The following RBFOX1 variants were observed in gnomAD, a reference collection of about 807,000 sequenced individuals.
RBFOX1 encodes RNA binding fox-1 homolog 1, also known as RNA binding protein fox-1 homolog 1.
In RBFOX1, 8 loss-of-function variants were observed where a neutral mutation model predicts 57.7. That is an observed-to-expected ratio of 0.14 (90% CI 0.08 to 0.25). RBFOX1 has a LOEUF of 0.25. Ranked by LOEUF, RBFOX1 falls within the 10% of genes least tolerant of loss-of-function variation. The pLI is 1.00. For synonymous variants in RBFOX1, 326 were observed against 222.4 expected (o/e 1.47, Z -4.15); for missense variants, 611 against 548.5 (o/e 1.11, Z -1.14).
intron 3 of RBFOX1, among the ~76,000 whole-genome samples, chr16:6,911,669 G>A (rs928529468): frequency 6.6e-6 from 1 of 152,146 alleles, no homozygotes; most frequent in Admixed American, 6.5e-5. Flanking sequence ...TGGGAACAAA[G>A]TTCAATCCAT....
chr16:6,267,814 C>G (rs1394674273), intron 1 of RBFOX1, among the ~76,000 whole-genome samples: 1 of 152,112 alleles, frequency 6.6e-6, no homozygotes, highest in African/African-American at 2.4e-5. Flanking sequence ...TAGCTGAAAC[C>G]CACAGGTTGG....
At chr16:7,521,161 G>T (rs151147604) in intron 5 of RBFOX1, among the ~76,000 whole-genome samples, 3 of 152,308 alleles carry the variant, frequency 2.0e-5, no homozygotes, top group Non-Finnish European at 4.4e-5. Flanking sequence ...AGCAGCCCAG[G>T]CAGAGGGAAT....
intron 4 of RBFOX1, among the ~76,000 whole-genome samples, chr16:7,439,163 C>G (rs777325406): frequency 6.6e-6 from 1 of 152,128 alleles, no homozygotes; most frequent in Non-Finnish European, 1.5e-5. Flanking sequence ...TTTACGCAGG[C>G]CTTCGCGCTG....
intron 1 of RBFOX1, among the ~76,000 whole-genome samples, chr16:6,122,026 C>G (rs1290802564): frequency 6.6e-6 from 1 of 152,168 alleles, no homozygotes; most frequent in African/African-American, 2.4e-5. Flanking sequence ...CTGCCTCAGC[C>G]TCCTGCGTAG....
At position 7,019,977 on chromosome 16, in the gene RBFOX1, C is replaced by G. The variant is rs574221269; in HGVS notation, c.-15-32080C>G. Among the ~76,000 whole-genome samples, 123 of 148,686 alleles carry G rather than the reference C, an allele frequency of 8.3e-4. 1 individual carries two copies. In the Middle Eastern group the frequency reaches 0.01, roughly 12 times the overall value. ...ACTATATTCCCTTTCTTCTGGCTCT[C>G]TCTTTTTTTTTTTTTTCTCTGATGA... On this transcript the variant is annotated intron_variant, in intron 3 of 15. Transcript: ENST00000550418.
intron 2 of RBFOX1, among the ~76,000 whole-genome samples, chr16:6,588,581 G>C (rs1184143340): frequency 6.6e-6 from 1 of 152,088 alleles, no homozygotes; most frequent in Non-Finnish European, 1.5e-5. Flanking sequence ...GAATCTAGGA[G>C]GTGGAGGTTG....
intron 2 of RBFOX1, among the ~76,000 whole-genome samples, chr16:5,528,549 T>C (rs1441475999): frequency 7.9e-6 from 1 of 127,118 alleles, no homozygotes; most frequent in African/African-American, 3.0e-5. Flanking sequence ...GCTCTTCTTT[T>C]TTTTTTTTTT....
Position 6,940,810 on chromosome 16 carries a change from G to GTA in RBFOX1, c.-15-111246_-15-111245dup, listed in dbSNP as rs1555652932. 2.0e-4 allele frequency among the ~76,000 whole-genome samples: 27 copies of GTA among 133,874 alleles called. 1 individual carries two copies. The highest frequency in any genetic ancestry group is 4.1e-4 in the African/African-American group (14 of 34,142). 87.8% of individuals were successfully genotyped at this position (133,874 alleles called of 152,430 possible). A position where few individuals can be genotyped will look rare whatever the true frequency, so the allele number is the denominator to read the frequency against. On this transcript the variant is annotated intron_variant, in intron 3 of 15. Transcript: ENST00000550418. ...TGTGTGTGTGTGTGTGTGTGTGTGTGTAGCTGGGAGTACAGGCGCCTGCCA... is the reference window on the plus strand; with the variant it reads ...TGTGTGTGTGTGTGTGTGTGTGTGTGTATAGCTGGGAGTACAGGCGCCTGCCA...
intron 3 of RBFOX1, among the ~76,000 whole-genome samples, chr16:6,685,657 C>T (rs769629632): frequency 2.0e-5 from 3 of 151,884 alleles, no homozygotes; most frequent in Non-Finnish European, 4.4e-5. Context: ...AAAAGTCATC[C>T]ATACTTATTG....
intron 4 of RBFOX1, among the ~76,000 whole-genome samples, chr16:7,159,274 A>G (rs1409225800): frequency 6.8e-6 from 1 of 147,608 alleles, no homozygotes; most frequent in Non-Finnish European, 1.5e-5. Flanking sequence ...AGACACCCTG[A>G]GGCTGAGCAG....
chr16:7,467,727 C>G (rs1316654760), intron 4 of RBFOX1, among the ~76,000 whole-genome samples: 2 of 152,302 alleles, frequency 1.3e-5, no homozygotes, highest in East Asian at 1.9e-4. Context: ...CTGGGACACC[C>G]CTTATCTTCC....
chr16:7,689,287 C>A (rs961931931), intron 14 of RBFOX1, among the ~76,000 whole-genome samples: 1 of 152,072 alleles, frequency 6.6e-6, no homozygotes, highest in Admixed American at 6.6e-5. Flanking sequence ...TTCCTCTTCT[C>A]CACCCCCAAC....
At chr16:6,885,888 G>A (rs2063903329) in intron 3 of RBFOX1, among the ~76,000 whole-genome samples, 1 of 152,116 alleles carries the variant, frequency 6.6e-6, no homozygotes, top group Admixed American at 6.6e-5. Context: ...TTTACTCAAT[G>A]CAGCATTGGA....
intron 4 of RBFOX1, among the ~76,000 whole-genome samples, chr16:7,434,000 C>G (rs1339855983): frequency 6.6e-6 from 1 of 152,098 alleles, no homozygotes; most frequent in Non-Finnish European, 1.5e-5. Flanking sequence ...TGAGAGGGAA[C>G]AGTTAATACT....
At chr16:7,319,161 T>C (rs545379188) in intron 4 of RBFOX1, among the ~76,000 whole-genome samples, 1 of 152,316 alleles carries the variant, frequency 6.6e-6, no homozygotes, top group East Asian at 1.9e-4. Context: ...GCATTCATCT[T>C]TGAGGCCAGC....
At chr16:7,360,484 C>A (rs993046415) in intron 4 of RBFOX1, among the ~76,000 whole-genome samples, 1 of 152,126 alleles carries the variant, frequency 6.6e-6, no homozygotes, top group African/African-American at 2.4e-5. Flanking sequence ...TTGAAAAACT[C>A]ACATAACCCA....
intron 2 of RBFOX1, among the ~76,000 whole-genome samples, chr16:6,515,604 C>G (rs919675170): frequency 1.9e-4 from 29 of 152,126 alleles, no homozygotes; most frequent in African/African-American, 6.8e-4. Flanking sequence ...TTTTATGGAT[C>G]AAAATCCTTC....
intron 4 of RBFOX1, among the ~76,000 whole-genome samples, chr16:7,415,184 C>A (rs2098466412): frequency 6.6e-6 from 1 of 152,202 alleles, no homozygotes; most frequent in South Asian, 2.1e-4. Flanking sequence ...GGCTTACAAT[C>A]CTGGCTGTGC....
chr16:7,208,734 G>C (rs1261942930), intron 4 of RBFOX1, among the ~76,000 whole-genome samples: 1 of 152,120 alleles, frequency 6.6e-6, no homozygotes, highest in African/African-American at 2.4e-5. Flanking sequence ...CTAATAGAGA[G>C]GCTGAAGCAA....
Sources: allele counts gnomAD v4.1 joint callset (sites outside exome capture counted in the v4.1 genomes callset), GRCh38; gene constraint gnomAD v4.1.1; transcripts MANE v1.5; gene names NCBI Gene and HGNC (gene_info 2026-07-23, HGNC 2026-07-21).